The following THSD4 variants were observed in gnomAD, a reference collection of about 807,000 sequenced individuals.
The protein encoded by THSD4 is thrombospondin type-1 domain-containing protein 4.
Under a neutral mutation model 119.0 loss-of-function variants are expected in THSD4, and 69 were observed. The ratio of observed to expected loss-of-function variants is 0.58; its 90% CI spans 0.48 to 0.71. THSD4 has a LOEUF of 0.71. THSD4 is among the 30% of genes least tolerant of loss of function. The pLI is 0.00. For missense variants in THSD4, 1,393 were observed against 1,391.1 expected, an observed-to-expected ratio of 1.00 and a Z score of -0.02; for synonymous variants, 524 against 540.4, an observed-to-expected ratio of 0.97 and a Z score of 0.42.
At chr15:71,386,321 G>A (rs1406853659) in intron 6 of THSD4, among the ~76,000 whole-genome samples, 3 of 152,178 alleles carry the variant, frequency 2.0e-5, no homozygotes, top group African/African-American at 7.2e-5. Flanking sequence ...ACCCAAGGAG[G>A]ACAGGTAAGC....
intron 1 of THSD4, among the ~76,000 whole-genome samples, chr15:71,123,176 G>A (rs1364098389): frequency 6.6e-6 from 1 of 152,202 alleles, no homozygotes; most frequent in African/African-American, 2.4e-5. Flanking sequence ...AGGTCTCTTG[G>A]AGTGGAAGGT....
intron 7 of THSD4, among the ~76,000 whole-genome samples, chr15:71,588,103 G>A (rs2049718351): frequency 6.6e-6 from 1 of 151,812 alleles, no homozygotes. Flanking sequence ...TCAGGAGATC[G>A]AGACCATCCT....
intron 7 of THSD4, among the ~76,000 whole-genome samples, chr15:71,494,016 C>T (rs1034637606): frequency 2.6e-5 from 4 of 152,280 alleles, no homozygotes; most frequent in South Asian, 2.1e-4. Context: ...TAGTTTACAG[C>T]GTCGCTTTCA....
At chr15:71,458,124 A>G (rs192995218) in intron 7 of THSD4, among the ~76,000 whole-genome samples, 27 of 152,334 alleles carry the variant, frequency 1.8e-4, no homozygotes, top group African/African-American at 6.5e-4. Flanking sequence ...ATGTATATGC[A>G]TTGGTTTAAT....
intron 6 of THSD4, among the ~76,000 whole-genome samples, chr15:71,368,526 A>G (rs913040403): frequency 2.6e-5 from 4 of 152,200 alleles, no homozygotes; most frequent in Non-Finnish European, 4.4e-5. Context: ...TCCCAGCACC[A>G]TTTATTAAAT....
At chr15:71,606,217 C>T (rs142340831) in intron 7 of THSD4, among the ~76,000 whole-genome samples, 1 of 152,314 alleles carries the variant, frequency 6.6e-6, no homozygotes, top group Non-Finnish European at 1.5e-5. Flanking sequence ...TTTTTCTGCT[C>T]TCCCTCTTCT....
chr15:71,245,593 A>G (rs981363488), intron 5 of THSD4, among the ~76,000 whole-genome samples: 6 of 152,204 alleles, frequency 3.9e-5, no homozygotes, highest in Non-Finnish European at 8.8e-5. Flanking sequence ...CCAGAATCAC[A>G]GTGGAGCCAC....
chr15:71,602,333 C>A (rs909719501), intron 7 of THSD4, among the ~76,000 whole-genome samples: 2 of 151,952 alleles, frequency 1.3e-5, no homozygotes, highest in Non-Finnish European at 2.9e-5. Flanking sequence ...ATGGGCAGAT[C>A]ACCTGAGGTC....
At chr15:71,436,702 A>G (rs1386079703) in intron 7 of THSD4, among the ~76,000 whole-genome samples, 1 of 152,242 alleles carries the variant, frequency 6.6e-6, no homozygotes, top group Non-Finnish European at 1.5e-5. Context: ...TACAAAATTT[A>G]TTCTAACATG....
At chr15:71,502,453 A>G (rs1001090346) in intron 7 of THSD4, among the ~76,000 whole-genome samples, 1 of 152,216 alleles carries the variant, frequency 6.6e-6, no homozygotes, top group African/African-American at 2.4e-5. Context: ...ATGAAAAGGA[A>G]CACAATATTT....
chr15:71,141,467 A>G lies in THSD4; in HGVS notation c.-61A>G. ...TCCATAGGACTTGAACGCAACTCCC[A>G]ATTGCAGAAAATTGGCAACGTCTCT... On this transcript the variant is annotated 5_prime_UTR_variant, in exon 2 of 18. Transcript: ENST00000261862. The G allele has an allele frequency of 1.9e-6, 3 of 1,547,412 alleles. No homozygotes were observed. The highest frequency in any genetic ancestry group is 1.7e-6 in the Non-Finnish European group (2 of 1,145,936).
chr15:71,331,317 C>T (rs1332860912), intron 6 of THSD4, among the ~76,000 whole-genome samples: 2 of 152,134 alleles, frequency 1.3e-5, no homozygotes, highest in Non-Finnish European at 2.9e-5. Flanking sequence ...TACATGAATG[C>T]CTGGTTTCCT....
At chr15:71,231,368 G>A (rs975165764) in intron 4 of THSD4, among the ~76,000 whole-genome samples, 1 of 152,142 alleles carries the variant, frequency 6.6e-6, no homozygotes, top group African/African-American at 2.4e-5. Context: ...GGAGGCTGAC[G>A]GGTGGGTCAC....
At chr15:71,468,190 C>G (rs1446887533) in intron 7 of THSD4, among the ~76,000 whole-genome samples, 1 of 152,222 alleles carries the variant, frequency 6.6e-6, no homozygotes, top group African/African-American at 2.4e-5. Context: ...TGCACACGCT[C>G]TCTCTTGCCT....
At chr15:71,183,235 T>C (rs2043553844) in intron 3 of THSD4, 1 of 151,748 alleles carries the variant, frequency 6.6e-6, no homozygotes, top group Non-Finnish European at 1.5e-5. Context: ...CCATCGGATC[T>C]TGTGAGACTT....
intron 6 of THSD4, among the ~76,000 whole-genome samples, chr15:71,404,893 TTTGCTTTTC>T (rs202049100): frequency 1.7e-4 from 13 of 77,912 alleles, no homozygotes; most frequent in Admixed American, 3.8e-4. Flanking sequence ...CTTTCTTTTC[TTTGCTTTTC>T]TTTTTTGACA....
rs1566971069 is a variant in THSD4 at position 71,404,250 on chromosome 15, C to T, written c.1016-7437C>T. ...CTATTAGCAGTCACTCCACATTATCCCCTCTCTTCAGGCCCTGGCAACCAC... is the reference window on the plus strand; with the variant it reads ...CTATTAGCAGTCACTCCACATTATCTCCTCTCTTCAGGCCCTGGCAACCAC... On this transcript the variant is annotated intron_variant, in intron 6 of 17. Coordinates refer to ENST00000261862, the MANE Select transcript of THSD4 (RefSeq NM_024817.3). Among the ~76,000 whole-genome samples the T allele has an allele frequency of 2.0e-5, 3 of 151,264 alleles. No homozygotes were observed. The South Asian group carries it at 6.3e-4, about 32-fold the overall frequency.
chr15:71,722,137 A>G (rs1013836077), intron 8 of THSD4, among the ~76,000 whole-genome samples: 2 of 152,288 alleles, frequency 1.3e-5, no homozygotes, highest in South Asian at 4.2e-4. Context: ...CCTTTTTGTG[A>G]GGTAGTTCTG....
chr15:71,735,676 C>G (rs1456546660), intron 10 of THSD4, among the ~76,000 whole-genome samples: 1 of 150,970 alleles, frequency 6.6e-6, no homozygotes, highest in African/African-American at 2.4e-5. Flanking sequence ...TTCTCTGTCT[C>G]TCTCACTTTC....
Sources: gnomAD v4.1 joint callset for allele counts (sites outside exome capture counted in the v4.1 genomes callset) on GRCh38, gnomAD v4.1.1 for gene constraint, MANE v1.5 for transcripts, NCBI Gene and HGNC (gene_info 2026-07-23, HGNC 2026-07-21) for gene names.